TCF7L1: variants seen among roughly 807,000 people sequenced by gnomAD.
TCF7L1 encodes transcription factor 7-like 1.
TCF7L1 carries 18 observed loss-of-function variants against 63.7 expected under a neutral mutation model. The ratio of observed to expected loss-of-function variants is 0.28; its 90% CI spans 0.20 to 0.42. The LOEUF (loss-of-function observed/expected upper bound fraction) is 0.42. TCF7L1 is among the 10% of genes least tolerant of loss of function. The pLI is 1.00. For missense variants in TCF7L1, 654 were observed against 779.3 expected, an observed-to-expected ratio of 0.84 and a Z score of 1.91; for synonymous variants, 355 against 340.9, an observed-to-expected ratio of 1.04 and a Z score of -0.46.
intron 3 of TCF7L1, among the ~76,000 whole-genome samples, chr2:85,163,979 G>A (rs541323353): frequency 6.6e-5 from 10 of 152,202 alleles, no homozygotes; most frequent in Admixed American, 5.2e-4. Context: ...TAAGGTCACC[G>A]TCTGAGATGT....
chr2:85,254,794 C>T (rs1011354030), intron 3 of TCF7L1, among the ~76,000 whole-genome samples: 1 of 152,142 alleles, frequency 6.6e-6, no homozygotes, highest in Non-Finnish European at 1.5e-5. Context: ...GAATGAAGCT[C>T]AGAAAAACAG....
intron 3 of TCF7L1, among the ~76,000 whole-genome samples, chr2:85,250,288 C>A (rs555586885): frequency 6.6e-6 from 1 of 152,276 alleles, no homozygotes; most frequent in South Asian, 2.1e-4. Context: ...CTCTGGTCCA[C>A]TACTGGAAGG....
At chr2:85,209,496 A>G (rs1411632744) in intron 3 of TCF7L1, among the ~76,000 whole-genome samples, 2 of 152,020 alleles carry the variant, frequency 1.3e-5, no homozygotes, top group Admixed American at 6.5e-5. Context: ...ACTGTTTGAA[A>G]CCTCAATGCC....
At chr2:85,211,146 G>A (rs981567140) in intron 3 of TCF7L1, among the ~76,000 whole-genome samples, 7 of 152,162 alleles carry the variant, frequency 4.6e-5, no homozygotes, top group Non-Finnish European at 7.4e-5. Context: ...AGGTATCCAG[G>A]GATCCAATTG....
chr2:85,260,456 G>A (rs1680832577), intron 3 of TCF7L1, among the ~76,000 whole-genome samples: 1 of 151,884 alleles, frequency 6.6e-6, no homozygotes, highest in Admixed American at 6.6e-5. Flanking sequence ...GGGCAACATA[G>A]TGAGACCTCG....
chr2:85,201,717 T>G (rs1679276525), intron 3 of TCF7L1, among the ~76,000 whole-genome samples: 1 of 152,104 alleles, frequency 6.6e-6, no homozygotes, highest in Non-Finnish European at 1.5e-5. Flanking sequence ...TACATTGCCA[T>G]CAGCAGTGTA....
At chr2:85,136,276 C>T (rs1328940043) in intron 3 of TCF7L1, among the ~76,000 whole-genome samples, 1 of 152,156 alleles carries the variant, frequency 6.6e-6, no homozygotes, top group Non-Finnish European at 1.5e-5. Flanking sequence ...TTCATCCAGG[C>T]TCTGCTGTCT....
chr2:85,142,834 A>G (rs1677778027), intron 3 of TCF7L1, among the ~76,000 whole-genome samples: 1 of 152,190 alleles, frequency 6.6e-6, no homozygotes, highest in South Asian at 2.1e-4. Context: ...GCCCCAGGAC[A>G]CTTCTATAGT....
At chr2:85,267,748 G>A (rs1206810543) in intron 3 of TCF7L1, among the ~76,000 whole-genome samples, 2 of 152,026 alleles carry the variant, frequency 1.3e-5, no homozygotes, top group Non-Finnish European at 1.5e-5. Flanking sequence ...TGTTAAATGA[G>A]GATAATAATA....
chr2:85,188,879 C>T (rs2104261706), intron 3 of TCF7L1, among the ~76,000 whole-genome samples: 1 of 152,276 alleles, frequency 6.6e-6, no homozygotes, highest in Middle Eastern at 3.4e-3. Flanking sequence ...GGTTGGGAAG[C>T]CTAAGAACAT....
chr2:85,303,837 C>T lies in TCF7L1; in HGVS notation c.659-58C>T, dbSNP rs143456440. On this transcript the variant is annotated intron_variant, in intron 5 of 11. Transcript: ENST00000282111. ...GGGCAGGATGCTCCCATTTGATGTTCGTTAAGGTGCTCTGGCAGGGCGAGG... is the reference window on the plus strand; with the variant it reads ...GGGCAGGATGCTCCCATTTGATGTTTGTTAAGGTGCTCTGGCAGGGCGAGG... 6.6e-4 allele frequency: 889 copies of T among 1,344,600 alleles called. 5 individuals carry two copies. In the African/African-American group the frequency reaches 0.012, roughly 18 times the overall value. 83.3% of individuals were successfully genotyped at this position (1,344,600 alleles called of 1,614,324 possible). A position where few individuals can be genotyped will look rare whatever the true frequency, so the allele number is the denominator to read the frequency against.
intron 3 of TCF7L1, among the ~76,000 whole-genome samples, chr2:85,139,331 T>A (rs1346101974): frequency 6.6e-6 from 1 of 152,150 alleles, no homozygotes; most frequent in Admixed American, 6.6e-5. Flanking sequence ...TAAAACTAAT[T>A]CCTAACTCTT....
chr2:85,268,037 T>C (rs1412617100), intron 3 of TCF7L1, among the ~76,000 whole-genome samples: 1 of 152,212 alleles, frequency 6.6e-6, no homozygotes, highest in African/African-American at 2.4e-5. Context: ...AGAATGTTTT[T>C]GTTTGTTTTT....
At position 85,200,048 on chromosome 2, in the gene TCF7L1, A is replaced by G. The variant is rs1263990869; in HGVS notation, c.441+65598A>G. ...TTTTTTCACTTAGTCTAATGCTTTC[A>G]GGGTTCACCTATATTGTAGCGTGTA... On this transcript the variant is annotated intron_variant, in intron 3 of 11. Coordinates refer to ENST00000282111, the MANE Select transcript of TCF7L1 (RefSeq NM_031283.3). Among the ~76,000 whole-genome samples, 3 of 152,214 alleles carry G rather than the reference A, an allele frequency of 2.0e-5. No homozygotes were observed. In the East Asian group the frequency reaches 5.8e-4, roughly 29 times the overall value.
At chr2:85,259,016 CCA>C (rs1449636425) in intron 3 of TCF7L1, among the ~76,000 whole-genome samples, 1 of 152,170 alleles carries the variant, frequency 6.6e-6, no homozygotes, top group African/African-American at 2.4e-5. Context: ...TGTAATACCC[CCA>C]CACTCGGTGA....
chr2:85,262,985 AGAGT>A (rs970411332), intron 3 of TCF7L1, among the ~76,000 whole-genome samples: 39 of 152,314 alleles, frequency 2.6e-4, no homozygotes, highest in African/African-American at 9.1e-4. Flanking sequence ...GGAGAAGGAG[AGAGT>A]GTCATCTACA....
intron 3 of TCF7L1, among the ~76,000 whole-genome samples, chr2:85,178,402 CTCTT>C (rs1678726644): frequency 6.6e-6 from 1 of 152,176 alleles, no homozygotes; most frequent in Non-Finnish European, 1.5e-5. Context: ...GTTCATGTGT[CTCTT>C]TCCTTCCATC....
At chr2:85,153,549 G>T (rs1450580948) in intron 3 of TCF7L1, among the ~76,000 whole-genome samples, 1 of 151,934 alleles carries the variant, frequency 6.6e-6, no homozygotes, top group Non-Finnish European at 1.5e-5. Context: ...CACCGTGTTA[G>T]CCAGGTTGGT....
At chr2:85,308,367 T>TTCCC (rs1682170515) in intron 11 of TCF7L1, among the ~76,000 whole-genome samples, 1 of 53,830 alleles carries the variant, frequency 1.9e-5, no homozygotes, top group Admixed American at 1.6e-4. Flanking sequence ...CTCCCTTTCT[T>TTCCC]CCTCCCTCCC....
Sources: gnomAD v4.1 joint callset for allele counts (sites outside exome capture counted in the v4.1 genomes callset) on GRCh38, gnomAD v4.1.1 for gene constraint, MANE v1.5 for transcripts, NCBI Gene and HGNC (gene_info 2026-07-23, HGNC 2026-07-21) for gene names.